Variants in LRRC8C observed in about 807,000 individuals in gnomAD.
The protein encoded by LRRC8C is leucine rich repeat containing 8 VRAC subunit C.
A neutral mutation model predicts 55.3 loss-of-function variants in LRRC8C; 20 were observed. That is an observed-to-expected ratio of 0.36 (90% CI 0.25 to 0.53). The LOEUF (loss-of-function observed/expected upper bound fraction) is 0.53. Among genes scored for constraint, LRRC8C ranks in the 20% least tolerant of loss-of-function variants. The pLI is 0.92. For synonymous variants in LRRC8C, 376 were observed against 360.7 expected, an observed-to-expected ratio of 1.04 and a Z score of -0.48; for missense variants, 659 against 951.4, an observed-to-expected ratio of 0.69 and a Z score of 4.04.
chr1:89,650,140 A>G (rs1656721453), intron 1 of LRRC8C, among the ~76,000 whole-genome samples: 1 of 152,224 alleles, frequency 6.6e-6, no homozygotes, highest in Non-Finnish European at 1.5e-5. Flanking sequence ...CTGTTCAACA[A>G]ATGTAAATAC....
chr1:89,671,552 A>C (rs1430928960), intron 1 of LRRC8C, among the ~76,000 whole-genome samples: 2 of 152,192 alleles, frequency 1.3e-5, no homozygotes, highest in East Asian at 3.8e-4. Flanking sequence ...GCGTGTGTTC[A>C]GTCTCAGGAG....
At chr1:89,641,385 T>C (rs1365961566) in intron 1 of LRRC8C, among the ~76,000 whole-genome samples, 1 of 152,228 alleles carries the variant, frequency 6.6e-6, no homozygotes, top group Non-Finnish European at 1.5e-5. Flanking sequence ...GACTTTTCAC[T>C]GACACCTAAC....
rs1658807029 is a variant in LRRC8C, at chr1:89,715,961, T to G, written c.*979T>G. The G allele has an allele frequency of 6.6e-6, 1 of 152,192 alleles. No homozygotes were observed. Among genetic ancestry groups the G allele is most frequent in the Admixed American group, 6.5e-5 (1 of 15,276 alleles). The allele number at this position is 152,192 out of a possible 1,614,324, so 9.4% of individuals were successfully genotyped here. ...TGGCAGTGGTAATCTATTCAAATTT[T>G]GCCTGTTACACAAAATAATCCACTT... On this transcript the variant is annotated 3_prime_UTR_variant, in exon 3 of 3. Coordinates refer to ENST00000370454, the MANE Select transcript of LRRC8C (RefSeq NM_032270.5).
chr1:89,685,690 C>T (rs963236170), intron 1 of LRRC8C, among the ~76,000 whole-genome samples: 3 of 152,104 alleles, frequency 2.0e-5, no homozygotes, highest in African/African-American at 7.2e-5. Flanking sequence ...TTTCCCAGAG[C>T]CGTGGGTGCA....
At chr1:89,661,522 G>A (rs1218863935) in intron 1 of LRRC8C, among the ~76,000 whole-genome samples, 1 of 152,190 alleles carries the variant, frequency 6.6e-6, no homozygotes, top group Non-Finnish European at 1.5e-5. Context: ...TCTGGCCTAA[G>A]TAGTATCTCC....
intron 1 of LRRC8C, among the ~76,000 whole-genome samples, chr1:89,643,453 A>G (rs1656524777): frequency 6.6e-6 from 1 of 152,278 alleles, no homozygotes; most frequent in African/African-American, 2.4e-5. Flanking sequence ...CTCAATGTGT[A>G]TAGTAATGAC....
intron 1 of LRRC8C, 45 bp from the exon 2 acceptor site, chr1:89,686,425 G>A (rs367978975): frequency 5.0e-6 from 8 of 1,605,230 alleles, no homozygotes; most frequent in South Asian, 1.1e-5. Context: ...GCAGTATGTT[G>A]TACTGGAAGA....
At chr1:89,618,561 G>A in the LRRC8C span, among the ~76,000 whole-genome samples, 1 of 152,188 alleles carries the variant, frequency 6.6e-6, no homozygotes, top group Non-Finnish European at 1.5e-5. Flanking sequence ...GAAGGAGACA[G>A]TGGCCACTAG....
intron 1 of LRRC8C, among the ~76,000 whole-genome samples, chr1:89,680,095 A>G (rs1657655681): frequency 6.9e-6 from 1 of 144,878 alleles, no homozygotes; most frequent in East Asian, 2.0e-4. Context: ...TTTTTTTGAG[A>G]TGGAGTCTCG....
intron 1 of LRRC8C, 74 bp from the exon 2 acceptor site, chr1:89,686,396 A>C: frequency 1.3e-6 from 2 of 1,520,804 alleles, no homozygotes; most frequent in Non-Finnish European, 1.8e-6. Context: ...GAGGAGTTGG[A>C]GCCACATTTG....
intron 1 of LRRC8C, among the ~76,000 whole-genome samples, chr1:89,660,771 A>T (rs1657097551): frequency 6.6e-6 from 1 of 152,210 alleles, no homozygotes; most frequent in African/African-American, 2.4e-5. Flanking sequence ...CAAGCTCACC[A>T]TCAAAACATG....
At chr1:89,658,963 A>T (rs759271861) in intron 1 of LRRC8C, among the ~76,000 whole-genome samples, 8 of 151,996 alleles carry the variant, frequency 5.3e-5, no homozygotes, top group Non-Finnish European at 1.0e-4. Context: ...TGTGTATATT[A>T]CACTCTAAGT....
At chr1:89,621,337 C>T in the LRRC8C span, among the ~76,000 whole-genome samples, 1 of 150,864 alleles carries the variant, frequency 6.6e-6, no homozygotes. Flanking sequence ...GGCGTGGTGG[C>T]AGGCGCCTGT....
chr1:89,675,583 A>G (rs150382391), intron 1 of LRRC8C, among the ~76,000 whole-genome samples: 2 of 152,362 alleles, frequency 1.3e-5, no homozygotes, highest in Admixed American at 6.5e-5. Flanking sequence ...GAAGAGATCA[A>G]TGATCTTCAA....
chr1:89,616,097 T>G, the LRRC8C span, among the ~76,000 whole-genome samples: 1 of 152,164 alleles, frequency 6.6e-6, no homozygotes, highest in Non-Finnish European at 1.5e-5. Flanking sequence ...GAGATCATTG[T>G]GCCCTGTCCT....
intron 2 of LRRC8C, among the ~76,000 whole-genome samples, chr1:89,709,754 T>G (rs199630730): frequency 1.2e-4 from 15 of 125,414 alleles, no homozygotes; most frequent in South Asian, 7.8e-4. Flanking sequence ...TTTTTTTGTT[T>G]GTTTTTTTTT....
In LRRC8C at chr1:89,661,941, A is replaced by G. The variant is rs116873090; in HGVS notation, c.-4-24529A>G. ...ATCTGGGTAAATTTCAGCAAGGCCT[A>G]AAGAAGGTGAAGGATTGAGCCCTGC... On this transcript the variant is annotated intron_variant, in intron 1 of 2. Coordinates refer to ENST00000370454, the MANE Select transcript of LRRC8C (RefSeq NM_032270.5). Among the ~76,000 whole-genome samples, 102 of 152,238 alleles carry G rather than the reference A, an allele frequency of 6.7e-4. No homozygotes were observed. In the East Asian group the frequency reaches 0.018, roughly 27 times the overall value.
chr1:89,660,998 A>T (rs1485033822), intron 1 of LRRC8C, among the ~76,000 whole-genome samples: 2 of 152,160 alleles, frequency 1.3e-5, no homozygotes, highest in African/African-American at 4.8e-5. Flanking sequence ...AGCCTTTTGT[A>T]TTCCTTTGCT....
chr1:89,668,986 T>C (rs1283013598), intron 1 of LRRC8C, among the ~76,000 whole-genome samples: 1 of 152,206 alleles, frequency 6.6e-6, no homozygotes, highest in African/African-American at 2.4e-5. Context: ...CGATAAATTC[T>C]TATTCTCAAA....
Sources: gnomAD v4.1 joint callset for allele counts (sites outside exome capture counted in the v4.1 genomes callset) on GRCh38, gnomAD v4.1.1 for gene constraint, MANE v1.5 for transcripts, NCBI Gene and HGNC (gene_info 2026-07-23, HGNC 2026-07-21) for gene names.